Variants in MPP7 observed in about 807,000 individuals in gnomAD.
MPP7 encodes the protein MAGUK p55 subfamily member 7.
In MPP7, 60 loss-of-function variants were observed where a neutral mutation model predicts 76.5. The ratio of observed to expected loss-of-function variants is 0.78; its 90% confidence interval spans 0.64 to 0.97. MPP7 has a LOEUF of 0.97. Ranked by LOEUF, MPP7 falls within the 50% of genes least tolerant of loss-of-function variation. MPP7 has a pLI of 0.00. For missense variants in MPP7, 641 were observed against 694.0 expected (o/e 0.92, Z 0.86); for synonymous variants, 237 against 244.5 (o/e 0.97, Z 0.29).
intron 2 of MPP7, among the ~76,000 whole-genome samples, chr10:28,319,218 CT>C (rs1362142673): frequency 3.9e-5 from 6 of 152,136 alleles, no homozygotes; most frequent in African/African-American, 1.4e-4. Context: ...AAACAATCAG[CT>C]CTCATGAGAA....
chr10:28,204,577 C>G (rs571041465), intron 2 of MPP7, among the ~76,000 whole-genome samples: 73 of 152,076 alleles, frequency 4.8e-4, no homozygotes, highest in Non-Finnish European at 9.6e-4. Flanking sequence ...TTGCAAGACT[C>G]TATTATAATT....
At chr10:28,318,028 A>G (rs1834338040) in intron 2 of MPP7, among the ~76,000 whole-genome samples, 1 of 152,232 alleles carries the variant, frequency 6.6e-6, no homozygotes, top group Non-Finnish European at 1.5e-5. Flanking sequence ...TCCGGGTGCC[A>G]TCGCCTATTA....
intron 5 of MPP7, 107 bp from the exon 6 acceptor site, chr10:28,131,798 A>C: frequency 6.2e-6 from 3 of 482,190 alleles, no homozygotes; most frequent in Non-Finnish European, 8.5e-6. Context: ...AAATCAAAAC[A>C]GTGTTACGGT....
chr10:28,106,926 T>C (rs931660575), intron 11 of MPP7, among the ~76,000 whole-genome samples: 21 of 152,216 alleles, frequency 1.4e-4, no homozygotes, highest in African/African-American at 4.1e-4. Context: ...ATGTATAATA[T>C]AATACATCTA....
chr10:28,228,017 C>A (rs1168846462), intron 2 of MPP7, among the ~76,000 whole-genome samples: 3 of 152,194 alleles, frequency 2.0e-5, no homozygotes, highest in Non-Finnish European at 4.4e-5. Flanking sequence ...GCCATCCTGA[C>A]TGAACTACTT....
intron 3 of MPP7, among the ~76,000 whole-genome samples, chr10:28,187,313 A>G (rs1837269611): frequency 1.3e-5 from 2 of 152,216 alleles, no homozygotes; most frequent in Admixed American, 1.3e-4. Context: ...CAATTTACTC[A>G]GGGTCTCAGG....
At chr10:28,149,073 C>T (rs1287742720) in intron 4 of MPP7, among the ~76,000 whole-genome samples, 1 of 152,070 alleles carries the variant, frequency 6.6e-6, no homozygotes, top group African/African-American at 2.4e-5. Flanking sequence ...ACGCAACTTG[C>T]AAATTTATTA....
chr10:28,069,989 A>T, intron 12 of MPP7, 137 bp from the exon 13 acceptor site: 1 of 631,428 alleles, frequency 1.6e-6, no homozygotes, highest in East Asian at 2.8e-5. Flanking sequence ...ATTTTCTGTT[A>T]ACTTGAACTT....
intron 11 of MPP7, among the ~76,000 whole-genome samples, chr10:28,091,373 C>T (rs1005313657): frequency 7.9e-5 from 12 of 151,472 alleles, no homozygotes; most frequent in African/African-American, 1.2e-4. Flanking sequence ...TTGCAACCTC[C>T]GCCTCCTGGG....
chr10:28,107,079 CAATT>C (rs1035256669), intron 11 of MPP7, among the ~76,000 whole-genome samples: 2 of 152,146 alleles, frequency 1.3e-5, no homozygotes, highest in African/African-American at 4.8e-5. Flanking sequence ...ATAAATGTGT[CAATT>C]ACTTAACCTA....
At position 28,216,856 on chromosome 10, in the gene MPP7, T is replaced by C. The variant is rs890772982; in HGVS notation, c.38-14585A>G. 3.9e-5 allele frequency among the ~76,000 whole-genome samples: 6 copies of C among 152,088 alleles called. No individual in the cohort carries two copies. In the South Asian group the frequency reaches 6.2e-4, roughly 16 times the overall value. On this transcript the variant is annotated intron_variant, in intron 2 of 16. Transcript: ENST00000683449. Reference sequence around the variant, plus strand: ...GGTCAATGTTGTTAGTATTAAGCATTGTTATCCTCATTTTTTTTTTTGGCA... The same window carrying C: ...GGTCAATGTTGTTAGTATTAAGCATCGTTATCCTCATTTTTTTTTTTGGCA...
rs148860099 is a variant in MPP7, at chr10:28,263,903, G to C, written c.-131-25168C>G. Among the ~76,000 whole-genome samples, 136 of 152,312 alleles carry C rather than the reference G, an allele frequency of 8.9e-4. 1 individual carries two copies. Among genetic ancestry groups the C allele is most frequent in the African/African-American group, 3.1e-3 (127 of 41,566 alleles). On this transcript the variant is annotated intron_variant, in intron 1 of 16. Transcript: ENST00000683449. ...TCTGGCAGCTTGGGAGTCAGGTAGGGAAAGCGTTCTAGCTCCATACCCAAT... is the reference window on the plus strand; with the variant it reads ...TCTGGCAGCTTGGGAGTCAGGTAGGCAAAGCGTTCTAGCTCCATACCCAAT...
At chr10:28,110,935 T>C (rs1486197025) in intron 11 of MPP7, among the ~76,000 whole-genome samples, 3 of 152,212 alleles carry the variant, frequency 2.0e-5, no homozygotes, top group Admixed American at 1.3e-4. Flanking sequence ...AAAATGCATA[T>C]TTCTTTCTAA....
In MPP7 at chr10:28,120,642, A is replaced by C; in HGVS notation, c.642T>G (p.Phe214Leu). Residue 214 changes from phenylalanine (F) to leucine (L), a missense_variant, in exon 9 of 17, where the codon TTT (phenylalanine) becomes TTG (leucine). Coordinates refer to ENST00000683449, the MANE Select transcript of MPP7 (RefSeq NM_001318170.2). ...CCTCTTTGCTGCCGGGTATAATCTTAAATGTAATTGCTCCCTGAGACTGAG... is the reference window on the plus strand; with the variant it reads ...CCTCTTTGCTGCCGGGTATAATCTTCAATGTAATTGCTCCCTGAGACTGAG... ...ILAQSQGAITFKIIPGSKEET... is the reference protein window; with the variant it reads ...ILAQSQGAITLKIIPGSKEET... 6.2e-7 allele frequency: 1 copy of C among 1,613,798 alleles called. No individual in the cohort carries two copies. Among genetic ancestry groups the C allele is most frequent in the South Asian group, 1.1e-5 (1 of 91,078 alleles).
intron 2 of MPP7, among the ~76,000 whole-genome samples, chr10:28,317,172 C>T (rs1487714736): frequency 1.3e-5 from 2 of 152,116 alleles, no homozygotes; most frequent in Non-Finnish European, 2.9e-5. Flanking sequence ...TTTATACACG[C>T]TAGAAAAGCT....
chr10:28,138,404 T>C (rs973012458), intron 5 of MPP7, among the ~76,000 whole-genome samples: 19 of 152,212 alleles, frequency 1.2e-4, no homozygotes, highest in Admixed American at 6.5e-4. Flanking sequence ...CAGGAAGTAT[T>C]CACATTCAAT....
intron 5 of MPP7, among the ~76,000 whole-genome samples, chr10:28,142,976 C>T (rs1478228907): frequency 2.0e-5 from 3 of 152,036 alleles, no homozygotes; most frequent in Non-Finnish European, 4.4e-5. Context: ...CTCTAATATA[C>T]AAAAGATGTG....
intron 1 of MPP7, among the ~76,000 whole-genome samples, chr10:28,277,851 C>T (rs1840550689): frequency 6.6e-6 from 1 of 151,838 alleles, no homozygotes; most frequent in South Asian, 2.1e-4. Flanking sequence ...TATTGGGATT[C>T]GAAGGTAAGT....
intron 1 of MPP7, among the ~76,000 whole-genome samples, chr10:28,296,842 C>G (rs1189163102): frequency 6.6e-6 from 1 of 152,174 alleles, no homozygotes; most frequent in African/African-American, 2.4e-5. Context: ...AGCAAATAAT[C>G]TTTCCACACA....
Sources: allele counts gnomAD v4.1 joint callset (sites outside exome capture counted in the v4.1 genomes callset), GRCh38; gene constraint gnomAD v4.1.1; transcripts MANE v1.5; gene names NCBI Gene and HGNC (gene_info 2026-07-23, HGNC 2026-07-21).